The following ATP2B2 variants were observed in gnomAD, a reference collection of about 807,000 sequenced individuals.
The protein encoded by ATP2B2 is plasma membrane calcium-transporting ATPase 2.
In ATP2B2, 15 loss-of-function variants were observed where a neutral mutation model predicts 120.0. The ratio of observed to expected loss-of-function variants is 0.12; its 90% CI spans 0.08 to 0.19. The LOEUF is 0.19. Among genes scored for constraint, ATP2B2 ranks in the 10% least tolerant of loss-of-function variants. ATP2B2 has a pLI of 1.00. For synonymous variants in ATP2B2, 694 were observed against 700.3 expected, an observed-to-expected ratio of 0.99 and a Z score of 0.14; for missense variants, 1,045 against 1,719.8, an observed-to-expected ratio of 0.61 and a Z score of 6.94.
In ATP2B2 at chr3:10,502,109, C is replaced by G. The variant is rs73811916; in HGVS notation, c.-320+3356G>C. Among the ~76,000 whole-genome samples, 125 of 152,322 alleles carry G rather than the reference C, an allele frequency of 8.2e-4. 1 individual carries two copies. Among genetic ancestry groups the G allele is most frequent in the African/African-American group, 2.9e-3 (120 of 41,576 alleles). The stretch of plus-strand genomic sequence containing the variant: ...CCAGTGTTTCAGGCTCTGCACATAG[C>G]ATAAGCCACAGGCAGCTTTTCTGAC... On this transcript the variant is annotated intron_variant, in intron 1 of 22. Transcript: ENST00000360273.
intron 3 of ATP2B2, among the ~76,000 whole-genome samples, chr3:10,404,137 C>A (rs936737190): frequency 6.6e-6 from 1 of 152,140 alleles, no homozygotes; most frequent in African/African-American, 2.4e-5. Context: ...GCTGCATGCA[C>A]CCCTGGAAAA....
chr3:10,432,499 A>G (rs2063349212), intron 2 of ATP2B2, among the ~76,000 whole-genome samples: 1 of 152,220 alleles, frequency 6.6e-6, no homozygotes, highest in South Asian at 2.1e-4. Flanking sequence ...TGAGAGGGAG[A>G]GTTTTGCGGC....
intron 1 of ATP2B2, among the ~76,000 whole-genome samples, chr3:10,630,203 G>T (rs114891278): frequency 0.018 from 2,782 of 152,136 alleles, 82 homozygotes; most frequent in African/African-American, 0.063. Flanking sequence ...ACATGTGCAT[G>T]TTTGTTACAT....
chr3:10,340,837 TG>T lies in ATP2B2; in HGVS notation c.2918-134del, dbSNP rs989601327. Reference sequence around the variant, plus strand: ...AAGACATCAAGGCATGCTTGGACAGTGGGGGGCCAGGGCTGTGCTGTCAGCT... The same window carrying T: ...AAGACATCAAGGCATGCTTGGACAGTGGGGGCCAGGGCTGTGCTGTCAGCT... On this transcript the variant is annotated intron_variant, in intron 19 of 22. Transcript: ENST00000360273. This position sits in a 1 kb window ranked among gnomAD's most constrained non-coding sequence, Gnocchi z 5.0. 8 of 896,610 alleles carry T rather than the reference TG, an allele frequency of 8.9e-6. No individual in the cohort carries two copies. In the Admixed American group the frequency reaches 1.0e-4, roughly 11 times the overall value. 55.5% of individuals were successfully genotyped at this position (896,610 alleles called of 1,614,324 possible). A position where few individuals can be genotyped will look rare whatever the true frequency, so the allele number is the denominator to read the frequency against.
intron 2 of ATP2B2, among the ~76,000 whole-genome samples, chr3:10,546,948 A>G (rs942460673): frequency 3.3e-5 from 5 of 152,154 alleles, no homozygotes; most frequent in Non-Finnish European, 7.3e-5. Flanking sequence ...GTCCTCTCTG[A>G]GTCAAAAATA....
Position 10,342,996 on chromosome 3 carries a change from G to T in ATP2B2, c.2704-31C>A. On this transcript the variant is annotated intron_variant, in intron 18 of 22. Coordinates refer to ENST00000360273, the MANE Select transcript of ATP2B2 (RefSeq NM_001001331.4). This position sits in a 1 kb window ranked among gnomAD's most constrained non-coding sequence, Gnocchi z 4.4. ...GACGGGCAGGAGAGGGCTGTCACCT[G>T]TGCGCCCACCTGCTGCTGTGAAGTG... is the stretch of plus-strand genomic sequence containing the variant. 1 of 1,606,934 alleles carries T rather than the reference G, an allele frequency of 6.2e-7. No individual in the cohort carries two copies. The highest frequency in any genetic ancestry group is 1.3e-5 in the African/African-American group (1 of 74,910).
At chr3:10,476,521 T>C (rs532381746) in intron 1 of ATP2B2, among the ~76,000 whole-genome samples, 2 of 152,326 alleles carry the variant, frequency 1.3e-5, no homozygotes, top group East Asian at 1.9e-4. Context: ...GCCCCATGCT[T>C]GGAGACCCCC....
chr3:10,634,045 C>T (rs369367548), intron 1 of ATP2B2, among the ~76,000 whole-genome samples: 5 of 152,276 alleles, frequency 3.3e-5, no homozygotes, highest in Non-Finnish European at 7.4e-5. Flanking sequence ...TCTTCCTTGC[C>T]GCCTTTCTGC....
chr3:10,480,229 G>C (rs779297890), intron 1 of ATP2B2, among the ~76,000 whole-genome samples: 1 of 152,180 alleles, frequency 6.6e-6, no homozygotes, highest in Non-Finnish European at 1.5e-5. Flanking sequence ...TGCCCAGGCA[G>C]GCCCTCTCTC....
rs188068035 is a variant in ATP2B2 at position 10,621,857 on chromosome 3, C to T, written c.-459-1896G>A. ...CACAGAAGTAACCACGTCAACATGA[C>T]GATAAGAACAACTAGCATCGCTGAC... On this transcript the variant is annotated intron_variant, in intron 1 of 21. Transcript: ENST00000646379. 2.0e-3 allele frequency among the ~76,000 whole-genome samples: 304 copies of T among 152,340 alleles called. 2 individuals are homozygous for T. The highest frequency in any genetic ancestry group is 5.2e-3 in the African/African-American group (215 of 41,576).
At chr3:10,339,070 G>T (rs1037682531) in intron 21 of ATP2B2, among the ~76,000 whole-genome samples, 2 of 152,200 alleles carry the variant, frequency 1.3e-5, no homozygotes, top group African/African-American at 2.4e-5. Flanking sequence ...GCAGTCAGGC[G>T]CTGGCATGAA....
At chr3:10,507,412 C>G (rs948930183), upstream of ATP2B2, among the ~76,000 whole-genome samples, 23 of 152,110 alleles carry the variant, frequency 1.5e-4, no homozygotes, top group African/African-American at 5.3e-4. Context: ...TCAGCTCCAC[C>G]CCAGGGACCA....
intron 1 of ATP2B2, among the ~76,000 whole-genome samples, chr3:10,504,426 G>A (rs1161825457): frequency 3.3e-5 from 5 of 152,148 alleles, no homozygotes; most frequent in African/African-American, 7.2e-5. Context: ...ATGCAGCGTC[G>A]CACTAAGACC....
At chr3:10,600,438 C>T (rs1310395557) in intron 2 of ATP2B2, among the ~76,000 whole-genome samples, 1 of 152,230 alleles carries the variant, frequency 6.6e-6, no homozygotes, top group African/African-American at 2.4e-5. Context: ...TCTCCCCCTA[C>T]CAGCCTGGAG....
intron 2 of ATP2B2, among the ~76,000 whole-genome samples, chr3:10,443,123 C>T (rs962363700): frequency 1.3e-5 from 2 of 152,204 alleles, no homozygotes; most frequent in African/African-American, 4.8e-5. Flanking sequence ...CTGGTAGAAT[C>T]TTTAGCCATG....
chr3:10,345,563 T>C lies in ATP2B2; in HGVS notation c.2524A>G (p.Thr842Ala). Reference sequence around the variant, plus strand: ...TCTGAGGCCTCCTTGGCCACGTCAGTGCCTGCGATGCCCTGTGGGGACAGG... The same window carrying C: ...TCTGAGGCCTCCTTGGCCACGTCAGCGCCTGCGATGCCCTGTGGGGACAGG... The part of the protein sequence containing the change: ...DVGFAMGIAG[T>A]DVAKEASDII... The change falls in exon 18 of 23, where the codon ACT becomes GCT. Residue 842 changes from threonine to alanine, a missense_variant. This residue lies in a region of ATP2B2 where 98 missense variants were observed against 266.7 expected (regional missense o/e 0.37). Transcript: ENST00000360273. The C allele has an allele frequency of 6.2e-7, 1 of 1,614,166 alleles. No homozygotes were observed. Among genetic ancestry groups the C allele is most frequent in the Non-Finnish European group, 8.5e-7 (1 of 1,179,994 alleles).
intron 2 of ATP2B2, among the ~76,000 whole-genome samples, chr3:10,575,876 T>G (rs575847309): frequency 6.6e-6 from 1 of 152,180 alleles, no homozygotes; most frequent in Non-Finnish European, 1.5e-5. Flanking sequence ...GAATCTGACT[T>G]CTGGAAACTG....
chr3:10,518,875 T>G (rs1417363725), intron 3 of ATP2B2, among the ~76,000 whole-genome samples: 2 of 152,086 alleles, frequency 1.3e-5, no homozygotes, highest in African/African-American at 4.8e-5. Flanking sequence ...GAAAGTGGCT[T>G]CCCCTCCCTG....
intron 12 of ATP2B2, among the ~76,000 whole-genome samples, chr3:10,361,082 G>C (rs1321033452): frequency 6.6e-6 from 1 of 152,176 alleles, no homozygotes; most frequent in Non-Finnish European, 1.5e-5. Context: ...GCTGCTGTAC[G>C]TGCTGATAAT....
Sources: allele counts gnomAD v4.1 joint callset (sites outside exome capture counted in the v4.1 genomes callset), GRCh38; gene constraint gnomAD v4.1.1; regional missense constraint gnomAD v4.1.1; non-coding constraint Gnocchi (gnomAD v3.1); transcripts MANE v1.5; gene names NCBI Gene and HGNC (gene_info 2026-07-23, HGNC 2026-07-21).